ERICH6B: variants seen among roughly 807,000 people sequenced by gnomAD.
ERICH6B encodes glutamate-rich protein 6B.
A neutral mutation model predicts 80.0 loss-of-function variants in ERICH6B; 69 were observed. That is an observed-to-expected ratio of 0.86 (90% confidence interval 0.71 to 1.05). The LOEUF is 1.05. ERICH6B is among the 50% of genes least tolerant of loss of function. The pLI is 0.00. For synonymous variants in ERICH6B, 283 were observed against 291.9 expected, an observed-to-expected ratio of 0.97 and a Z score of 0.31; for missense variants, 754 against 796.1, an observed-to-expected ratio of 0.95 and a Z score of 0.64.
chr13:45,549,054 C>A (rs547441770), intron 13 of ERICH6B, among the ~76,000 whole-genome samples: 5 of 152,168 alleles, frequency 3.3e-5, no homozygotes, highest in Non-Finnish European at 5.9e-5. Context: ...GTGGCTGAGG[C>A]GGATGGATCA....
chr13:45,585,861 G>C (rs1181941514), intron 5 of ERICH6B, among the ~76,000 whole-genome samples: 1 of 152,222 alleles, frequency 6.6e-6, no homozygotes, highest in African/African-American at 2.4e-5. Context: ...ATGAAACAAT[G>C]ATTTCAATGG....
chr13:45,565,931 G>C (rs1288998643), intron 9 of ERICH6B, among the ~76,000 whole-genome samples: 1 of 152,206 alleles, frequency 6.6e-6, no homozygotes, highest in Non-Finnish European at 1.5e-5. Flanking sequence ...GGAAAATACG[G>C]GAAAGTTTGG....
chr13:45,550,278 G>C lies in ERICH6B; in HGVS notation c.1446C>G (p.Asn482Lys), dbSNP rs377216055. Residue 482 changes from asparagine to lysine, a missense_variant, in exon 12 of 15, where the codon AAC becomes AAG. Coordinates refer to ENST00000298738, the MANE Select transcript of ERICH6B (RefSeq NM_182542.3). ...GAAAGAGAATTTGATAGACATTCTT[G>C]TTGGGGTAGAGAATTAATTTTCCAT... Reference protein sequence around the residue: ...QGDGKLILYPNKNVYQILFPD... With the variant: ...QGDGKLILYPKKNVYQILFPD... 5 of 1,551,648 alleles carry C rather than the reference G, an allele frequency of 3.2e-6. No homozygotes were observed. The highest frequency in any genetic ancestry group is 3.5e-6 in the Non-Finnish European group (4 of 1,146,946).
intron 10 of ERICH6B, among the ~76,000 whole-genome samples, chr13:45,561,852 G>A (rs61952978): frequency 1.3e-5 from 2 of 152,164 alleles, no homozygotes; most frequent in African/African-American, 4.8e-5. Flanking sequence ...ATGAGTGGGT[G>A]ATGCAATGAA....
chr13:45,556,869 C>T (rs189420545), intron 11 of ERICH6B, among the ~76,000 whole-genome samples: 52 of 152,082 alleles, frequency 3.4e-4, no homozygotes, highest in Admixed American at 2.6e-3. Flanking sequence ...TACATTTTTG[C>T]GATTGTGAAT....
intron 2 of ERICH6B, among the ~76,000 whole-genome samples, chr13:45,598,356 G>C (rs756000434): frequency 1.3e-5 from 2 of 152,180 alleles, no homozygotes; most frequent in African/African-American, 4.8e-5. Flanking sequence ...GGGCCAAGAA[G>C]AGGTGGCTCT....
chr13:45,541,788 C>T (rs1873791115), intron 14 of ERICH6B, 108 bp from the exon 15 acceptor site: 5 of 980,516 alleles, frequency 5.1e-6, no homozygotes, highest in Non-Finnish European at 7.6e-6. Context: ...CCTGAGCCTT[C>T]ACTCGAGAAA....
At chr13:45,559,315 T>C (rs1461431963) in intron 11 of ERICH6B, among the ~76,000 whole-genome samples, 1 of 152,202 alleles carries the variant, frequency 6.6e-6, no homozygotes, top group Admixed American at 6.5e-5. Flanking sequence ...TTAATCTTGC[T>C]GAGGGTCTAT....
intron 3 of ERICH6B, among the ~76,000 whole-genome samples, chr13:45,591,324 A>C (rs1349850491): frequency 6.6e-6 from 1 of 152,326 alleles, no homozygotes; most frequent in East Asian, 1.9e-4. Context: ...CGGCTGGGTG[A>C]GGTGGCTCAT....
intron 2 of ERICH6B, among the ~76,000 whole-genome samples, chr13:45,601,054 A>G (rs1456754452): frequency 6.6e-6 from 1 of 152,098 alleles, no homozygotes; most frequent in Non-Finnish European, 1.5e-5. Context: ...GTTTAGCCTG[A>G]ATCTCCCTTA....
At position 45,544,835 on chromosome 13, in the gene ERICH6B, C is replaced by T. The variant is rs780390003; in HGVS notation, c.1797G>A (p.Arg599=). The change falls in exon 14 of 15, where the codon AGG becomes AGA. Residue 599 remains arginine (R), a synonymous_variant. Coordinates refer to ENST00000298738, the MANE Select transcript of ERICH6B (RefSeq NM_182542.3). ...KINEYIQVQI[R]SQDKIIFCFT... The stretch of plus-strand genomic sequence containing the variant: ...AGCAGAAGATGATCTTATCCTGGCT[C>T]CTTATTTGTACCTGGATGTACTCAT... The T allele has an allele frequency of 8.4e-6, 13 of 1,551,696 alleles. No individual in the cohort carries two copies. The highest frequency in any genetic ancestry group is 2.0e-5 in the Admixed American group (1 of 51,002).
chr13:45,546,542 G>T (rs75620308), intron 13 of ERICH6B, among the ~76,000 whole-genome samples: 3 of 152,096 alleles, frequency 2.0e-5, no homozygotes, highest in Non-Finnish European at 4.4e-5. Flanking sequence ...TTTGACGCCC[G>T]TAGCTCCCTA....
At chr13:45,546,171 A>T (rs1873983408) in intron 13 of ERICH6B, among the ~76,000 whole-genome samples, 1 of 152,170 alleles carries the variant, frequency 6.6e-6, no homozygotes, top group South Asian at 2.1e-4. Flanking sequence ...TCTCTCATCC[A>T]TTCCTGACCC....
intron 9 of ERICH6B, among the ~76,000 whole-genome samples, chr13:45,565,279 A>G (rs1480392824): frequency 6.6e-6 from 1 of 152,056 alleles, no homozygotes; most frequent in Non-Finnish European, 1.5e-5. Context: ...GAACACCTGA[A>G]CTTGCCCACG....
At chr13:45,609,690 G>A (rs1949888833) in intron 1 of ERICH6B, among the ~76,000 whole-genome samples, 1 of 152,236 alleles carries the variant, frequency 6.6e-6, no homozygotes, top group South Asian at 2.1e-4. Context: ...ATTGTTCACT[G>A]ATAGCTCCTG....
chr13:45,580,575 G>C (rs889821779), intron 6 of ERICH6B, 28 bp downstream of exon 6: 79 of 1,549,412 alleles, frequency 5.1e-5, no homozygotes, highest in Middle Eastern at 1.7e-4. Flanking sequence ...AACTTCTACA[G>C]ATCATTTAAA....
intron 2 of ERICH6B, among the ~76,000 whole-genome samples, chr13:45,603,183 T>G (rs911123011): frequency 1.3e-5 from 2 of 152,228 alleles, no homozygotes; most frequent in Admixed American, 1.3e-4. Context: ...CTCCATGTTT[T>G]TCTTGTAGCT....
At chr13:45,542,820 A>AG (rs1247029108) in intron 14 of ERICH6B, among the ~76,000 whole-genome samples, 1 of 152,142 alleles carries the variant, frequency 6.6e-6, no homozygotes. Context: ...AAGGGAACCT[A>AG]GGGGGGTCAG....
chr13:45,576,808 G>A (rs17303078), intron 7 of ERICH6B, among the ~76,000 whole-genome samples: 6,310 of 152,288 alleles, frequency 0.041, 217 homozygotes, highest in Non-Finnish European at 0.064. Flanking sequence ...ATACTCAACA[G>A]TGGTGCTCAG....
Sources: gnomAD v4.1 joint callset for allele counts (sites outside exome capture counted in the v4.1 genomes callset) on GRCh38, gnomAD v4.1.1 for gene constraint, MANE v1.5 for transcripts, NCBI Gene and HGNC (gene_info 2026-07-23, HGNC 2026-07-21) for gene names.